The following DNASE1 variants were observed in gnomAD, a reference collection of about 807,000 sequenced individuals.
DNASE1 encodes deoxyribonuclease 1.
Under a neutral mutation model 33.9 loss-of-function variants are expected in DNASE1, and 40 were observed. The observed-to-expected ratio is 1.18, with a 90% CI of 0.92 to 1.54. DNASE1 has a LOEUF of 1.54. DNASE1 is among the 40% of genes most tolerant of loss of function. DNASE1 has a pLI of 0.00. For missense variants in DNASE1, 518 were observed against 372.6 expected, an observed-to-expected ratio of 1.39 and a Z score of -3.21; for synonymous variants, 216 against 160.0, an observed-to-expected ratio of 1.35 and a Z score of -2.64.
chr16:3,658,034 C>T lies in DNASE1; in HGVS notation c.*81C>T. ...GGACCCAGAAAAAAAGCCCAACACA[C>T]ACTCGGGTTAAGAAATACCTTTAAA... On this transcript the variant is annotated 3_prime_UTR_variant, in exon 9 of 9. Coordinates refer to ENST00000246949, the MANE Select transcript of DNASE1 (RefSeq NM_005223.4). 3.1e-6 allele frequency: 5 copies of T among 1,608,790 alleles called. No homozygotes were observed. Among genetic ancestry groups the T allele is most frequent in the Non-Finnish European group, 4.2e-6 (5 of 1,176,902 alleles).
chr16:3,660,514 G>GCTAT (rs753640065), downstream of DNASE1: 7 of 152,154 alleles, frequency 4.6e-5, no homozygotes, highest in Non-Finnish European at 8.8e-5. Flanking sequence ...CACTTCTGCA[G>GCTAT]CTATCTCACA....
intron 1 of DNASE1, among the ~76,000 whole-genome samples, chr16:3,621,845 T>G (rs919103873): frequency 6.6e-6 from 1 of 152,226 alleles, no homozygotes; most frequent in Non-Finnish European, 1.5e-5. Flanking sequence ...TGTAGGATAT[T>G]CCTGTAACAT....
chr16:3,638,716 T>C (rs544080979), upstream of DNASE1, among the ~76,000 whole-genome samples: 3 of 152,246 alleles, frequency 2.0e-5, no homozygotes, highest in Non-Finnish European at 4.4e-5. Flanking sequence ...GCTTATTTCT[T>C]CAAATATTTC....
In DNASE1 at chr16:3,655,429, G is replaced by A. The variant is rs747491349; in HGVS notation, c.56G>A (p.Gly19Glu). 1.9e-6 allele frequency: 3 copies of A among 1,614,078 alleles called. No individual in the cohort carries two copies. Among genetic ancestry groups the A allele is most frequent in the Non-Finnish European group, 2.5e-6 (3 of 1,180,026 alleles). Residue 19 changes from glycine (G) to glutamate (E), a missense_variant, in exon 2 of 9, where the codon GGG becomes GAG. By Grantham distance (98) the Gly-to-Glu change is moderately conservative. Coordinates refer to ENST00000246949, the MANE Select transcript of DNASE1 (RefSeq NM_005223.4). ...CTGGCACTGGCGGCCCTACTGCAGG[G>A]GGCCGTGTCCCTGAAGATCGCAGCC... The part of the protein sequence containing the change: ...ALLALAALLQ[G>E]AVSLKIAAFN...
chr16:3,616,594 C>T (rs1409358454), intron 1 of DNASE1, among the ~76,000 whole-genome samples: 1 of 152,146 alleles, frequency 6.6e-6, no homozygotes, highest in Non-Finnish European at 1.5e-5. Flanking sequence ...GCACTCCAGC[C>T]TGGGTGATAC....
chr16:3,648,878 T>C (rs1276186635), intron 1 of DNASE1, among the ~76,000 whole-genome samples: 1 of 152,228 alleles, frequency 6.6e-6, no homozygotes, highest in Non-Finnish European at 1.5e-5. Flanking sequence ...TTATTATCAT[T>C]TAACATCCAT....
At chr16:3,652,993 C>T (rs554579561), upstream of DNASE1, 2 of 152,350 alleles carry the variant, frequency 1.3e-5, no homozygotes, top group African/African-American at 4.8e-5. Flanking sequence ...TGGGCAAGAC[C>T]CAGGGGTGGC....
downstream of DNASE1, chr16:3,658,331 G>A (rs887723503): frequency 1.2e-5 from 11 of 956,098 alleles, no homozygotes; most frequent in African/African-American, 1.7e-4. Context: ...CTGGAGTGCA[G>A]AGGCACGATC....
rs1317936948 is a variant in DNASE1, at chr16:3,614,769, TATC to T, written c.-1359+2766_-1359+2768del. Reference sequence around the variant, plus strand: ...AGCAAGATTTATTAAGATTTCAAAATATCATAGGATACAGAAAATTTTTTTAAA... The same window carrying T: ...AGCAAGATTTATTAAGATTTCAAAATATAGGATACAGAAAATTTTTTTAAA... On this transcript the variant is annotated intron_variant and NMD_transcript_variant, in intron 1 of 11. Coordinates refer to the DNASE1 transcript ENST00000570769. Among the ~76,000 whole-genome samples the T allele has an allele frequency of 2.0e-5, 3 of 152,296 alleles. 1 individual carries two copies. The East Asian group carries it at 5.8e-4, about 29-fold the overall frequency.
At chr16:3,618,845 G>A (rs2041200689) in intron 1 of DNASE1, among the ~76,000 whole-genome samples, 1 of 152,158 alleles carries the variant, frequency 6.6e-6, no homozygotes, top group African/African-American at 2.4e-5. Flanking sequence ...CTGAACATTT[G>A]CTTATTTCCG....
chr16:3,653,956 T>A (rs1210511219), upstream of DNASE1: 2 of 153,862 alleles, frequency 1.3e-5, no homozygotes, highest in African/African-American at 4.9e-5. Context: ...CAAAAAAATT[T>A]AAAAATTAGC....
chr16:3,655,723 G>A, intron 2 of DNASE1, 126 bp from the exon 3 acceptor site: 1 of 1,416,578 alleles, frequency 7.1e-7, no homozygotes, highest in Non-Finnish European at 9.8e-7. Flanking sequence ...AGGAGCCCAG[G>A]CAGAAACATG....
At chr16:3,625,448 C>G (rs112693326) in intron 1 of DNASE1, among the ~76,000 whole-genome samples, 1 of 151,680 alleles carries the variant, frequency 6.6e-6, no homozygotes, top group African/African-American at 2.4e-5. Context: ...TGAGACCCAT[C>G]GCTGCAAAAA....
upstream of DNASE1, chr16:3,653,601 G>C (rs990054145): frequency 6.6e-6 from 1 of 152,050 alleles, no homozygotes; most frequent in African/African-American, 2.4e-5. Flanking sequence ...AAGGTCACGA[G>C]TTTGAGACCA....
downstream of DNASE1, chr16:3,661,149 G>C (rs988080440): frequency 1.3e-5 from 2 of 151,970 alleles, no homozygotes; most frequent in African/African-American, 4.8e-5. Context: ...ACACATCAAA[G>C]AATAATTCTT....
At chr16:3,627,275 C>T (rs1396274045) in intron 1 of DNASE1, among the ~76,000 whole-genome samples, 26 of 133,892 alleles carry the variant, frequency 1.9e-4, no homozygotes, top group Non-Finnish European at 4.0e-4. Flanking sequence ...ATGACATATC[C>T]TTTTTTTTTT....
At chr16:3,659,111 AG>A (rs2042912940), downstream of DNASE1, 1 of 449,632 alleles carries the variant, frequency 2.2e-6, no homozygotes, top group African/African-American at 2.0e-5. Flanking sequence ...TATACACTAA[AG>A]GGACAAAAGG....
In DNASE1 at chr16:3,657,757, G is replaced by A. The variant is rs1246572368; in HGVS notation, c.742G>A (p.Val248Ile). ...AGGGATGCTGCTCCGAGGCGCCGTT[G>A]TTCCCGACTCGGCTCTTCCCTTTAA... ...VAGMLLRGAV[V>I]PDSALPFNFQ... is the part of the protein sequence containing the mutation. Residue 248 changes from valine to isoleucine, a missense_variant, in exon 8 of 9, where the codon GTT becomes ATT. Coordinates refer to ENST00000246949, the MANE Select transcript of DNASE1 (RefSeq NM_005223.4). 1 of 1,613,920 alleles carries A rather than the reference G, an allele frequency of 6.2e-7. No individual in the cohort carries two copies. The highest frequency in any genetic ancestry group is 1.1e-5 in the South Asian group (1 of 91,082).
At chr16:3,623,782 A>G (rs1022532122) in intron 1 of DNASE1, among the ~76,000 whole-genome samples, 3 of 152,154 alleles carry the variant, frequency 2.0e-5, no homozygotes, top group African/African-American at 7.2e-5. Flanking sequence ...GTGAAGACAT[A>G]CAAGCGGCAA....
Sources: allele counts gnomAD v4.1 joint callset (sites outside exome capture counted in the v4.1 genomes callset), GRCh38; gene constraint gnomAD v4.1.1; transcripts MANE v1.5; gene names NCBI Gene and HGNC (gene_info 2026-07-23, HGNC 2026-07-21).